The following RABGAP1L variants were observed in gnomAD, a reference collection of about 807,000 sequenced individuals.
RABGAP1L encodes RAB GTPase activating protein 1 like.
RABGAP1L carries 63 observed loss-of-function variants against 137.7 expected under a neutral mutation model. That is an observed-to-expected ratio of 0.46 (90% confidence interval 0.37 to 0.56). The LOEUF (loss-of-function observed/expected upper bound fraction) is 0.56, where lower values mean the gene tolerates loss of function less well. Ranked by LOEUF, RABGAP1L falls within the 20% of genes least tolerant of loss-of-function variation. The probability of loss-of-function intolerance (pLI) is 0.00; values close to 1 mark genes in which losing one functional copy is unlikely to be tolerated. For synonymous variants in RABGAP1L, 431 were observed against 433.7 expected, an observed-to-expected ratio of 0.99 and a Z score of 0.08; for missense variants, 1,095 against 1,244.0, an observed-to-expected ratio of 0.88 and a Z score of 1.80.
chr1:174,300,379 G>T (rs918343430), intron 10 of RABGAP1L, among the ~76,000 whole-genome samples: 1 of 151,904 alleles, frequency 6.6e-6, no homozygotes, highest in Non-Finnish European at 1.5e-5. Context: ...TACAAAATTA[G>T]CAGGTTGTGG....
At chr1:174,805,262 C>T (rs1180413007) in intron 18 of RABGAP1L, among the ~76,000 whole-genome samples, 7 of 152,110 alleles carry the variant, frequency 4.6e-5, no homozygotes, top group African/African-American at 1.2e-4. Flanking sequence ...CTTACCTTTC[C>T]CTCTGGATAT....
At chr1:174,610,668 C>T (rs572612805) in intron 13 of RABGAP1L, among the ~76,000 whole-genome samples, 76 of 152,316 alleles carry the variant, frequency 5.0e-4, no homozygotes, top group Non-Finnish European at 5.9e-4. Context: ...TACAGTCCCA[C>T]CAACAGTGTA....
intron 13 of RABGAP1L, among the ~76,000 whole-genome samples, chr1:174,615,904 G>T (rs1671801831): frequency 6.6e-6 from 1 of 152,230 alleles, no homozygotes; most frequent in Admixed American, 6.5e-5. Context: ...ATAATCTCCT[G>T]GTGCGCCGTT....
intron 11 of RABGAP1L, among the ~76,000 whole-genome samples, chr1:174,318,041 G>A (rs1368267783): frequency 7.3e-6 from 1 of 137,288 alleles, no homozygotes; most frequent in Non-Finnish European, 1.6e-5. Context: ...GGCAGTTCAG[G>A]ACTGTTTTTT....
At chr1:174,615,062 CCTT>C (rs1247478651) in intron 13 of RABGAP1L, among the ~76,000 whole-genome samples, 1 of 152,218 alleles carries the variant, frequency 6.6e-6, no homozygotes, top group Non-Finnish European at 1.5e-5. Context: ...TCGTCTGAAG[CCTT>C]CTTCTCTCAA....
intron 13 of RABGAP1L, among the ~76,000 whole-genome samples, chr1:174,528,711 G>C (rs1664139482): frequency 6.6e-6 from 1 of 151,338 alleles, no homozygotes; most frequent in Non-Finnish European, 1.5e-5. Flanking sequence ...TGTTGTATCT[G>C]CTTGGGGATC....
At chr1:174,809,822 TC>T (rs1485087665) in intron 18 of RABGAP1L, among the ~76,000 whole-genome samples, 6 of 152,176 alleles carry the variant, frequency 3.9e-5, no homozygotes, top group Non-Finnish European at 7.3e-5. Flanking sequence ...CTGGATGCTT[TC>T]CCCCATAATT....
At chr1:174,558,414 C>A (rs1251809459) in intron 13 of RABGAP1L, among the ~76,000 whole-genome samples, 1 of 152,150 alleles carries the variant, frequency 6.6e-6, no homozygotes, top group Admixed American at 6.5e-5. Context: ...TGCTGCTTTA[C>A]CCAGTTTAAT....
chr1:174,739,182 G>A (rs1683187228), intron 17 of RABGAP1L, among the ~76,000 whole-genome samples: 1 of 152,082 alleles, frequency 6.6e-6, no homozygotes, highest in African/African-American at 2.4e-5. Context: ...AAAGGAACAA[G>A]CACTCTCATC....
chr1:174,212,048 A>G (rs532936204), intron 1 of RABGAP1L, among the ~76,000 whole-genome samples: 2 of 152,266 alleles, frequency 1.3e-5, no homozygotes, highest in African/African-American at 2.4e-5. Context: ...TCAACACATC[A>G]CTTTCAACAT....
At chr1:174,256,967 T>C (rs1673185972) in intron 7 of RABGAP1L, among the ~76,000 whole-genome samples, 1 of 152,226 alleles carries the variant, frequency 6.6e-6, no homozygotes, top group East Asian at 1.9e-4. Context: ...CTTGGCATTC[T>C]GATGTAAACC....
In RABGAP1L at chr1:174,515,143, T is replaced by G. The variant is rs1223227170; in HGVS notation, c.1710+120998T>G. On this transcript the variant is annotated intron_variant, in intron 13 of 25. Coordinates refer to ENST00000681986, the MANE Select transcript of RABGAP1L (RefSeq NM_001366446.1). Reference sequence around the variant, plus strand: ...TTGTTATTTACTATAGTCATGGTTTTGTACAACAGATCTCTTGAATTTACT... The same window carrying G: ...TTGTTATTTACTATAGTCATGGTTTGGTACAACAGATCTCTTGAATTTACT... Among the ~76,000 whole-genome samples the G allele has an allele frequency of 3.3e-5, 5 of 152,332 alleles. No individual in the cohort carries two copies. In the East Asian group the frequency reaches 5.8e-4, roughly 18 times the overall value.
intron 18 of RABGAP1L, among the ~76,000 whole-genome samples, chr1:174,776,375 A>C (rs1200879534): frequency 6.6e-6 from 1 of 152,100 alleles, no homozygotes; most frequent in East Asian, 1.9e-4. Context: ...ACTTCATCTC[A>C]AAAAATAAAA....
intron 18 of RABGAP1L, among the ~76,000 whole-genome samples, chr1:174,802,626 A>G (rs948250606): frequency 1.3e-5 from 2 of 152,210 alleles, no homozygotes; most frequent in Admixed American, 1.3e-4. Flanking sequence ...AAAGAAAAGC[A>G]TACGCTGATT....
chr1:174,234,981 A>G (rs1177023497), intron 4 of RABGAP1L, among the ~76,000 whole-genome samples: 1 of 118,020 alleles, frequency 8.5e-6, no homozygotes, highest in Admixed American at 8.1e-5. Context: ...GAGGTCCTTC[A>G]CATCCCTTGT....
chr1:174,954,957 G>A (rs1387951192), intron 19 of RABGAP1L, among the ~76,000 whole-genome samples: 1 of 152,150 alleles, frequency 6.6e-6, no homozygotes, highest in Non-Finnish European at 1.5e-5. Context: ...AATGTATATA[G>A]AGAAAATAAA....
intron 7 of RABGAP1L, among the ~76,000 whole-genome samples, chr1:174,271,685 A>C (rs937171820): frequency 3.3e-5 from 5 of 152,066 alleles, no homozygotes; most frequent in Non-Finnish European, 7.4e-5. Context: ...AACAAACATA[A>C]AAATCTTCGA....
At chr1:174,210,592 G>T (rs1019329379) in intron 1 of RABGAP1L, among the ~76,000 whole-genome samples, 1 of 152,136 alleles carries the variant, frequency 6.6e-6, no homozygotes, top group Non-Finnish European at 1.5e-5. Flanking sequence ...ATGCCTACAG[G>T]ATCTAGAACA....
intron 13 of RABGAP1L, among the ~76,000 whole-genome samples, chr1:174,599,468 A>G (rs1025918895): frequency 2.0e-5 from 3 of 152,196 alleles, no homozygotes; most frequent in African/African-American, 7.2e-5. Flanking sequence ...TTTGCCCATT[A>G]ACATCATTCC....
Sources: gnomAD v4.1 joint callset for allele counts (sites outside exome capture counted in the v4.1 genomes callset) on GRCh38, gnomAD v4.1.1 for gene constraint, MANE v1.5 for transcripts, NCBI Gene and HGNC (gene_info 2026-07-23, HGNC 2026-07-21) for gene names.